TSEN15: variants seen among roughly 807,000 people sequenced by gnomAD.
The protein encoded by TSEN15 is tRNA splicing endonuclease subunit 15, also known as tRNA-splicing endonuclease subunit Sen15.
In TSEN15, 10 loss-of-function variants were observed where a neutral mutation model predicts 20.5. That is an observed-to-expected ratio of 0.49 (90% confidence interval 0.30 to 0.83). The LOEUF is 0.83. Ranked by LOEUF, TSEN15 falls within the 40% of genes least tolerant of loss-of-function variation. TSEN15 has a pLI of 0.06. For missense variants in TSEN15, 180 were observed against 218.6 expected (o/e 0.82, Z 1.11); for synonymous variants, 72 against 80.1 (o/e 0.90, Z 0.54).
chr1:184,067,938 AAAAATATATATATAT>A (rs2102890437), intron 3 of TSEN15, among the ~76,000 whole-genome samples: 1 of 115,548 alleles, frequency 8.7e-6, no homozygotes, highest in South Asian at 3.5e-4. Context: ...AAAAAAAAAA[AAAAATATATATATAT>A]ATATATATAT....
chr1:184,076,414 A>G (rs1274071896), downstream of TSEN15, among the ~76,000 whole-genome samples: 2 of 152,038 alleles, frequency 1.3e-5, no homozygotes, highest in Non-Finnish European at 2.9e-5. Flanking sequence ...TGCCCTACCA[A>G]CCAGGATTTC....
At chr1:184,092,111 G>C (rs1651369434) in intron 3 of TSEN15, among the ~76,000 whole-genome samples, 1 of 152,210 alleles carries the variant, frequency 6.6e-6, no homozygotes, top group Admixed American at 6.5e-5. Flanking sequence ...TTTATCTCCA[G>C]GGGAGAGGCT....
chr1:184,080,929 A>G lies in TSEN15; in HGVS notation c.354-14761A>G, dbSNP rs569737603. Among the ~76,000 whole-genome samples, 17 of 152,320 alleles carry G rather than the reference A, an allele frequency of 1.1e-4. No homozygotes were observed. In the South Asian group the frequency reaches 3.5e-3, roughly 32 times the overall value. On this transcript the variant is annotated intron_variant, in intron 3 of 3. Transcript: ENST00000643231. ...TTCTTAATCATGAATCAATAATCCA[A>G]TTTAATTTGACAAACATTTTGTTAG...
Position 184,072,950 on chromosome 1 carries a change from G to C in TSEN15, c.*103G>C, listed in dbSNP as rs1410137102. The C allele has an allele frequency of 8.7e-7, 1 of 1,145,752 alleles. No homozygotes were observed. Among genetic ancestry groups the C allele is most frequent in the Non-Finnish European group, 1.3e-6 (1 of 795,192 alleles). 71.0% of individuals were successfully genotyped at this position (1,145,752 alleles called of 1,614,324 possible). A position where few individuals can be genotyped will look rare whatever the true frequency, so the allele number is the denominator to read the frequency against. On this transcript the variant is annotated 3_prime_UTR_variant, in exon 5 of 5. Coordinates refer to ENST00000645668, the MANE Select transcript of TSEN15 (RefSeq NM_052965.4). ...CAGAAATAGGGTTGACGTACATAGT[G>C]AGGGTTGACTTCCCCATTCCATAAG...
intron 3 of TSEN15, chr1:184,093,961 G>A (rs1162509051): frequency 6.6e-6 from 1 of 152,124 alleles, no homozygotes; most frequent in African/African-American, 2.4e-5. Context: ...CCCAGACCTT[G>A]GTGGGTGTTC....
Position 184,051,807 on chromosome 1 carries a change from C to G in TSEN15, c.52C>G (p.Pro18Ala). ...GACCCCCGGCTGCAGCGGCCTGGGTCCGGGCGGTGTTCGCGGCTTTGGCGA... is the reference window on the plus strand; with the variant it reads ...GACCCCCGGCTGCAGCGGCCTGGGTGCGGGCGGTGTTCGCGGCTTTGGCGA... ...EPTPGCSGLG[P>A]GGVRGFGDGG... is the part of the protein sequence containing the mutation. Residue 18 changes from proline (P) to alanine (A), a missense_variant, in exon 1 of 5, where the codon CCG becomes GCG. Around this residue, in one of 3 missense-constraint regions of TSEN15, gnomAD observed 76 missense variants for 66.5 expected, o/e 1.14. Transcript: ENST00000645668. 1 of 1,540,454 alleles carries G rather than the reference C, an allele frequency of 6.5e-7. No individual in the cohort carries two copies. The highest frequency in any genetic ancestry group is 8.7e-7 in the Non-Finnish European group (1 of 1,143,764).
At chr1:184,053,441 C>A (rs1308067063) in intron 1 of TSEN15, among the ~76,000 whole-genome samples, 2 of 152,186 alleles carry the variant, frequency 1.3e-5, no homozygotes, top group South Asian at 4.1e-4. Context: ...TGTAACCTGG[C>A]TCAAAATTAT....
At chr1:184,090,769 G>A (rs1293358472) in intron 3 of TSEN15, among the ~76,000 whole-genome samples, 1 of 152,190 alleles carries the variant, frequency 6.6e-6, no homozygotes, top group Non-Finnish European at 1.5e-5. Flanking sequence ...GGCTTATGGG[G>A]AGAAAAGGTG....
intron 3 of TSEN15, among the ~76,000 whole-genome samples, chr1:184,066,666 A>G (rs1327626470): frequency 6.6e-6 from 1 of 152,176 alleles, no homozygotes. Context: ...TTAGCCTCTT[A>G]AAGTGCTGGG....
Position 184,054,523 on chromosome 1 carries a change from A to G in TSEN15, c.217+88A>G, listed in dbSNP as rs534148971. The G allele has an allele frequency of 5.8e-6, 7 of 1,214,758 alleles. No homozygotes were observed. In the African/African-American group the frequency reaches 1.1e-4, roughly 18 times the overall value. The allele number at this position is 1,214,758 out of a possible 1,614,324, so 75.2% of individuals were successfully genotyped here. On this transcript the variant is annotated intron_variant, in intron 2 of 4. Transcript: ENST00000645668. Reference sequence around the variant, plus strand: ...TGGGATATAGCATTCTTAACATAATAAGCAATCTTTTATGCATTTGCTGTT... The same window carrying G: ...TGGGATATAGCATTCTTAACATAATGAGCAATCTTTTATGCATTTGCTGTT...
intron 3 of TSEN15, among the ~76,000 whole-genome samples, chr1:184,058,801 T>C (rs184659604): frequency 2.6e-5 from 4 of 152,270 alleles, no homozygotes; most frequent in Admixed American, 2.6e-4. Context: ...AAACAGCTTT[T>C]ACTTATTCAG....
intron 4 of TSEN15, chr1:184,072,520 C>A: frequency 1.8e-6 from 1 of 557,158 alleles, no homozygotes; most frequent in African/African-American, 2.0e-5. Flanking sequence ...TTTCCTTACT[C>A]TTTGGAGAAT....
chr1:184,088,111 C>G (rs1395153155), intron 3 of TSEN15, among the ~76,000 whole-genome samples: 1 of 152,130 alleles, frequency 6.6e-6, no homozygotes, highest in Non-Finnish European at 1.5e-5. Flanking sequence ...AAGACCGGAG[C>G]CACCTCAGGA....
At chr1:184,069,061 T>C (rs1650791224) in intron 3 of TSEN15, among the ~76,000 whole-genome samples, 1 of 152,198 alleles carries the variant, frequency 6.6e-6, no homozygotes, top group South Asian at 2.1e-4. Context: ...ATGGAAAGCA[T>C]TTAAATAGCT....
intron 3 of TSEN15, among the ~76,000 whole-genome samples, chr1:184,061,571 A>C (rs975303460): frequency 3.9e-5 from 6 of 152,196 alleles, no homozygotes; most frequent in African/African-American, 1.4e-4. Context: ...ACTTAGTTAT[A>C]AAGTATTTCC....
chr1:184,069,652 A>T (rs77278898), intron 3 of TSEN15, among the ~76,000 whole-genome samples: 274 of 152,146 alleles, frequency 1.8e-3, no homozygotes, highest in African/African-American at 5.7e-3. Context: ...TACTGCTATT[A>T]TTAATAGATT....
At chr1:184,053,405 C>T (rs751284204) in intron 1 of TSEN15, among the ~76,000 whole-genome samples, 2 of 152,152 alleles carry the variant, frequency 1.3e-5, no homozygotes, top group Admixed American at 6.5e-5. Context: ...GATAAAATCA[C>T]ATGTTTAGCT....
At chr1:184,056,300 G>A (rs1401859441) in intron 3 of TSEN15, among the ~76,000 whole-genome samples, 1 of 151,724 alleles carries the variant, frequency 6.6e-6, no homozygotes, top group Admixed American at 6.6e-5. Flanking sequence ...TCTTATTTTG[G>A]TCTTAATTTA....
intron 3 of TSEN15, among the ~76,000 whole-genome samples, chr1:184,063,824 T>G (rs1650551418): frequency 6.6e-6 from 1 of 152,124 alleles, no homozygotes; most frequent in African/African-American, 2.4e-5. Flanking sequence ...AAACCTAATA[T>G]TTTAAAACCC....
Sources: allele counts gnomAD v4.1 joint callset (sites outside exome capture counted in the v4.1 genomes callset), GRCh38; gene constraint gnomAD v4.1.1; regional missense constraint gnomAD v4.1.1; transcripts MANE v1.5; gene names NCBI Gene and HGNC (gene_info 2026-07-23, HGNC 2026-07-21).